SAMD3: variants seen among roughly 807,000 people sequenced by gnomAD.
The protein encoded by SAMD3 is sterile alpha motif domain containing 3, also known as sterile alpha motif domain-containing protein 3.
A neutral mutation model predicts 58.5 loss-of-function variants in SAMD3; 63 were observed. The observed-to-expected ratio is 1.08, with a 90% CI of 0.88 to 1.33. The LOEUF (loss-of-function observed/expected upper bound fraction) is 1.33, where lower values mean the gene tolerates loss of function less well. SAMD3 is among the 40% of genes most tolerant of loss of function. The pLI, the probability that SAMD3 is intolerant of heterozygous loss-of-function variation, is 0.00. For missense variants in SAMD3, 604 were observed against 608.4 expected (o/e 0.99, Z 0.08); for synonymous variants, 220 against 210.3 (o/e 1.05, Z -0.40).
chr6:130,279,783 C>G (rs1173607119), intron 2 of SAMD3, among the ~76,000 whole-genome samples: 1 of 152,084 alleles, frequency 6.6e-6, no homozygotes, highest in Non-Finnish European at 1.5e-5. Flanking sequence ...CTGTGCCTGG[C>G]CTAAACCTCT....
intron 6 of SAMD3, 86 bp from the exon 7 acceptor site, chr6:130,184,273 C>G: frequency 8.0e-7 from 1 of 1,257,116 alleles, no homozygotes. Context: ...ACTCATTTTT[C>G]TTCACATTTT....
At chr6:130,232,177 G>C (rs1281976257) in intron 2 of SAMD3, among the ~76,000 whole-genome samples, 1 of 152,072 alleles carries the variant, frequency 6.6e-6, no homozygotes, top group Non-Finnish European at 1.5e-5. Flanking sequence ...TTTGTCCACT[G>C]TCTGGGGAAT....
At chr6:130,250,537 A>G (rs1267695325) in intron 2 of SAMD3, among the ~76,000 whole-genome samples, 1 of 152,160 alleles carries the variant, frequency 6.6e-6, no homozygotes, top group East Asian at 1.9e-4. Context: ...GACTAGTTAT[A>G]TTACCCCAAA....
chr6:130,160,917 CTGT>C (rs1270652484), intron 8 of SAMD3: 2 of 151,362 alleles, frequency 1.3e-5, no homozygotes, highest in Non-Finnish European at 2.9e-5. Context: ...ATGTTTTAAA[CTGT>C]TGAACATAAA....
intron 1 of SAMD3, among the ~76,000 whole-genome samples, chr6:130,362,032 G>A (rs761984251): frequency 6.6e-6 from 1 of 152,176 alleles, no homozygotes; most frequent in Non-Finnish European, 1.5e-5. Flanking sequence ...CGGGTCAAAG[G>A]CTATGCTCTC....
At chr6:130,351,651 T>C (rs934099662) in intron 1 of SAMD3, among the ~76,000 whole-genome samples, 2 of 152,116 alleles carry the variant, frequency 1.3e-5, no homozygotes. Flanking sequence ...AGTTCACCCA[T>C]TGTGGAAGTC....
chr6:130,226,641 A>G (rs576854869), upstream of SAMD3, among the ~76,000 whole-genome samples: 2 of 152,336 alleles, frequency 1.3e-5, no homozygotes, highest in East Asian at 3.9e-4. Context: ...AGCCTGGTCA[A>G]CATGGTGAAA....
intron 2 of SAMD3, among the ~76,000 whole-genome samples, chr6:130,277,127 A>C (rs1286634967): frequency 6.6e-6 from 1 of 152,246 alleles, no homozygotes; most frequent in African/African-American, 2.4e-5. Flanking sequence ...ATAGAAAAGA[A>C]AGTTATGAAA....
At chr6:130,263,093 C>T (rs551545595) in intron 2 of SAMD3, among the ~76,000 whole-genome samples, 1 of 152,186 alleles carries the variant, frequency 6.6e-6, no homozygotes, top group African/African-American at 2.4e-5. Flanking sequence ...TAAAATTTAA[C>T]TTATCTGGTA....
intron 2 of SAMD3, among the ~76,000 whole-genome samples, chr6:130,236,856 C>A (rs1027645507): frequency 6.6e-6 from 1 of 152,108 alleles, no homozygotes; most frequent in Non-Finnish European, 1.5e-5. Context: ...TTCCTTTTGA[C>A]AATAGGCTTT....
intron 2 of SAMD3, among the ~76,000 whole-genome samples, chr6:130,276,414 G>A (rs1562494341): frequency 6.6e-6 from 1 of 152,208 alleles, no homozygotes; most frequent in Non-Finnish European, 1.5e-5. Flanking sequence ...ACTAAGGTCA[G>A]GTTCTAATAC....
At position 130,144,593 on chromosome 6, in the gene SAMD3, T is replaced by A. The variant is rs749128439; in HGVS notation, c.1490A>T (p.Asp497Val). The change falls in exon 12 of 12, where the codon GAT (aspartate) becomes GTT (valine). Residue 497 changes from aspartate to valine, a missense_variant. Transcript: ENST00000439090. ...TFNFLETLIF[D>V]MHSPYFPSLK... ...AGAAGGAAAATAAGGACTGTGCATATCGAAAATCAGCGTTTCTAGGAAGTT... is the reference window on the plus strand; with the variant it reads ...AGAAGGAAAATAAGGACTGTGCATAACGAAAATCAGCGTTTCTAGGAAGTT... The A allele has an allele frequency of 1.2e-6, 2 of 1,614,128 alleles. No individual in the cohort carries two copies. Among genetic ancestry groups the A allele is most frequent in the Admixed American group, 3.3e-5 (2 of 60,020 alleles).
chr6:130,309,994 ATTAAG>A (rs763036855), intron 2 of SAMD3, among the ~76,000 whole-genome samples: 5 of 152,204 alleles, frequency 3.3e-5, no homozygotes, highest in African/African-American at 9.6e-5. Context: ...CTGTTATTCA[ATTAAG>A]TTAATACCTG....
In SAMD3 at chr6:130,154,800, G is replaced by A. The variant is rs544634139; in HGVS notation, c.1023+25C>T. 301 of 1,268,878 alleles carry A rather than the reference G, an allele frequency of 2.4e-4. 3 individuals are homozygous for A. The highest frequency in any genetic ancestry group is 2.1e-3 in the Middle Eastern group (11 of 5,274). The allele number at this position is 1,268,878 out of a possible 1,614,324, so 78.6% of individuals were successfully genotyped here. On this transcript the variant is annotated intron_variant, in intron 9 of 11. Transcript: ENST00000439090. Reference sequence around the variant, plus strand: ...TGTGTATATACATATATATGTGTGTGTATATATATATAGAATAAAGATACC... The same window carrying A: ...TGTGTATATACATATATATGTGTGTATATATATATATAGAATAAAGATACC...
intron 1 of SAMD3, among the ~76,000 whole-genome samples, chr6:130,348,067 C>A (rs1777511736): frequency 6.6e-6 from 1 of 152,104 alleles, no homozygotes; most frequent in Non-Finnish European, 1.5e-5. Context: ...TACAAGAGCT[C>A]CTGAAGGAAG....
intron 1 of SAMD3, among the ~76,000 whole-genome samples, chr6:130,352,177 A>C (rs1777696007): frequency 6.6e-6 from 1 of 152,212 alleles, no homozygotes; most frequent in Non-Finnish European, 1.5e-5. Flanking sequence ...ACAAACCTGC[A>C]CATTGTGCAC....
At chr6:130,349,393 G>T (rs1296592809) in intron 1 of SAMD3, among the ~76,000 whole-genome samples, 1 of 151,934 alleles carries the variant, frequency 6.6e-6, no homozygotes, top group African/African-American at 2.4e-5. Context: ...ATGATAAAGG[G>T]GATATCACCA....
intron 8 of SAMD3, among the ~76,000 whole-genome samples, chr6:130,165,373 G>GAAAAC (rs1363382436): frequency 6.6e-6 from 1 of 151,880 alleles, no homozygotes; most frequent in African/African-American, 2.4e-5. Context: ...ATTGCAGTTA[G>GAAAAC]AAAACAAAAC....
intron 8 of SAMD3, among the ~76,000 whole-genome samples, chr6:130,174,552 C>G (rs1156984549): frequency 6.6e-6 from 1 of 152,174 alleles, no homozygotes; most frequent in Non-Finnish European, 1.5e-5. Context: ...GCAGAAATTA[C>G]CCACCTTCTG....
Sources: allele counts gnomAD v4.1 joint callset (sites outside exome capture counted in the v4.1 genomes callset), GRCh38; gene constraint gnomAD v4.1.1; transcripts MANE v1.5; gene names NCBI Gene and HGNC (gene_info 2026-07-23, HGNC 2026-07-21).